Variants in ABCA13 observed in about 807,000 individuals in gnomAD.
ABCA13 encodes ATP-binding cassette sub-family A member 13.
A neutral mutation model predicts 478.7 loss-of-function variants in ABCA13; 476 were observed. The observed-to-expected ratio is 0.99, with a 90% CI of 0.92 to 1.07. The LOEUF is 1.07. ABCA13 is among the 50% of genes least tolerant of loss of function. The pLI, the probability that ABCA13 is intolerant of heterozygous loss-of-function variation, is 0.00. For missense variants in ABCA13, 6,060 were observed against 5,910.6 expected (o/e 1.03, Z -0.83); for synonymous variants, 2,252 against 2,158.9 (o/e 1.04, Z -1.20).
At position 48,524,353 on chromosome 7, in the gene ABCA13, G is replaced by A. The variant is rs1178301762; in HGVS notation, c.14157G>A (p.Val4719=). The change falls in exon 54 of 62, where the codon GTG becomes GTA. Residue 4719 remains valine, a synonymous_variant. Coordinates refer to ENST00000435803, the MANE Select transcript of ABCA13 (RefSeq NM_152701.5). ...GAAGGACCAATGGAGACATTCTTGTGTTATACAACCTTAGTAAACATTATC... is the reference window on the plus strand; with the variant it reads ...GAAGGACCAATGGAGACATTCTTGTATTATACAACCTTAGTAAACATTATC... The part of the protein sequence containing the change: ...FEGRTNGDIL[V]LYNLSKHYRR... 2 of 1,613,108 alleles carry A rather than the reference G, an allele frequency of 1.2e-6. No homozygotes were observed. The highest frequency in any genetic ancestry group is 1.7e-6 in the Non-Finnish European group (2 of 1,179,540).
intron 2 of ABCA13, among the ~76,000 whole-genome samples, chr7:48,193,643 C>T (rs142689899): frequency 1 from 151,655 of 151,762 alleles, 75,774 homozygotes; most frequent in Middle Eastern, 1. Context: ...ATAATAGTAA[C>T]TATGATGATG....
chr7:48,202,176 T>G lies in ABCA13; in HGVS notation c.287+3816T>G, dbSNP rs147831850. ...TCCACACAGTGGAAGGGGACCCTAG[T>G]GGCTTGCCGCTGCTGGCTAGGGCAG... On this transcript the variant is annotated intron_variant, in intron 3 of 61. Transcript: ENST00000435803. Among the ~76,000 whole-genome samples the G allele has an allele frequency of 3.3e-5, 5 of 151,682 alleles. No individual in the cohort carries two copies. In the East Asian group the frequency reaches 7.7e-4, roughly 23 times the overall value.
At chr7:48,235,965 AG>A (rs1789890938) in intron 8 of ABCA13, among the ~76,000 whole-genome samples, 1 of 152,288 alleles carries the variant, frequency 6.6e-6, no homozygotes, top group South Asian at 2.1e-4. Flanking sequence ...AGCACAGTTC[AG>A]GTAGGCTAGG....
chr7:48,644,867 T>C (rs927527803), intron 61 of ABCA13, 113 bp downstream of exon 61: 1 of 1,152,976 alleles, frequency 8.7e-7, no homozygotes, highest in African/African-American at 1.6e-5. Flanking sequence ...ATTCAATTCA[T>C]CTTGTTAAAT....
chr7:48,251,440 G>A (rs1306389342), intron 15 of ABCA13, among the ~76,000 whole-genome samples: 1 of 152,082 alleles, frequency 6.6e-6, no homozygotes, highest in East Asian at 1.9e-4. Context: ...AGAAAATTGA[G>A]GCTCAGAAAG....
chr7:48,301,777 A>G (rs1800189718), intron 23 of ABCA13, among the ~76,000 whole-genome samples: 1 of 152,106 alleles, frequency 6.6e-6, no homozygotes, highest in Admixed American at 6.6e-5. Context: ...ATCCACCACC[A>G]TCTCATTCTC....
chr7:48,522,515 C>T (rs1006073460), intron 53 of ABCA13, among the ~76,000 whole-genome samples: 2 of 152,156 alleles, frequency 1.3e-5, no homozygotes, highest in African/African-American at 4.8e-5. Flanking sequence ...TGCTGCATAT[C>T]TGGAAAGTTC....
At chr7:48,219,216 G>T in intron 3 of ABCA13, 138 bp from the exon 4 acceptor site, 1 of 753,368 alleles carries the variant, frequency 1.3e-6, no homozygotes, top group Non-Finnish European at 2.0e-6. Flanking sequence ...AGGTGAAATG[G>T]GCTCTCAGGG....
chr7:48,372,659 C>A (rs954707559), intron 33 of ABCA13, among the ~76,000 whole-genome samples, 162 bp downstream of exon 33: 1 of 152,098 alleles, frequency 6.6e-6, no homozygotes, highest in African/African-American at 2.4e-5. Context: ...AAATGCAAAC[C>A]GTTGAAACTG....
intron 43 of ABCA13, among the ~76,000 whole-genome samples, chr7:48,463,763 G>A (rs889429147): frequency 2.7e-5 from 4 of 150,036 alleles, no homozygotes; most frequent in Non-Finnish European, 5.9e-5. Flanking sequence ...GAAAGGAAAG[G>A]AAGGGAAAAG....
chr7:48,462,599 C>T (rs1372518961), intron 43 of ABCA13, among the ~76,000 whole-genome samples: 1 of 152,052 alleles, frequency 6.6e-6, no homozygotes, highest in Non-Finnish European at 1.5e-5. Flanking sequence ...ACCTCCACCT[C>T]CTGGGTTCCA....
chr7:48,447,397 T>C (rs1276332759), intron 42 of ABCA13, among the ~76,000 whole-genome samples: 1 of 152,218 alleles, frequency 6.6e-6, no homozygotes, highest in East Asian at 1.9e-4. Flanking sequence ...CCCTAGTGGA[T>C]AGAGATACTT....
intron 44 of ABCA13, among the ~76,000 whole-genome samples, chr7:48,470,700 G>A (rs919843749): frequency 1.3e-5 from 2 of 152,112 alleles, no homozygotes; most frequent in African/African-American, 2.4e-5. Context: ...TTCTTCAATT[G>A]GTGTTATCAT....
At chr7:48,598,838 G>T (rs1203350238) in intron 58 of ABCA13, among the ~76,000 whole-genome samples, 2 of 151,446 alleles carry the variant, frequency 1.3e-5, no homozygotes, top group African/African-American at 4.8e-5. Flanking sequence ...TTAAGTCTTT[G>T]ATCTATTTCA....
chr7:48,188,879 C>T (rs936714811), intron 1 of ABCA13, among the ~76,000 whole-genome samples: 2 of 152,268 alleles, frequency 1.3e-5, no homozygotes, highest in Non-Finnish European at 2.9e-5. Context: ...TGGGCATCCA[C>T]GAAATTCATG....
chr7:48,543,950 A>G (rs1372572044), intron 55 of ABCA13, among the ~76,000 whole-genome samples: 2 of 151,728 alleles, frequency 1.3e-5, no homozygotes, highest in African/African-American at 4.8e-5. Flanking sequence ...GTGCCTAGGG[A>G]GATAACAGAA....
intron 43 of ABCA13, among the ~76,000 whole-genome samples, chr7:48,463,826 C>T (rs10233704): frequency 0.35 from 52,361 of 150,858 alleles, 9,126 homozygotes; most frequent in East Asian, 0.46. Flanking sequence ...TGGAACTGAA[C>T]GGAACGGAAC....
chr7:48,182,220 G>A (rs748503431), intron 1 of ABCA13, among the ~76,000 whole-genome samples: 2 of 152,170 alleles, frequency 1.3e-5, no homozygotes, highest in Non-Finnish European at 2.9e-5. Flanking sequence ...AAGAATAGTT[G>A]TGTTTAGCTG....
intron 41 of ABCA13, among the ~76,000 whole-genome samples, chr7:48,415,547 C>G (rs1819863622): frequency 6.6e-6 from 1 of 152,098 alleles, no homozygotes; most frequent in African/African-American, 2.4e-5. Context: ...AGTGTTCACC[C>G]CCAATGTATT....
Sources: allele counts gnomAD v4.1 joint callset (sites outside exome capture counted in the v4.1 genomes callset), GRCh38; gene constraint gnomAD v4.1.1; transcripts MANE v1.5; gene names NCBI Gene and HGNC (gene_info 2026-07-23, HGNC 2026-07-21).